Variants in AGAP1 observed in about 807,000 individuals in gnomAD.
AGAP1 encodes the protein arf-GAP with GTPase, ANK repeat and PH domain-containing protein 1.
Under a neutral mutation model 105.3 loss-of-function variants are expected in AGAP1, and 29 were observed. The observed-to-expected ratio is 0.28, with a 90% confidence interval of 0.21 to 0.38. The LOEUF is 0.38. AGAP1 is among the 10% of genes least tolerant of loss of function. The pLI is 1.00. For missense variants in AGAP1, 998 were observed against 1,165.1 expected (o/e 0.86, Z 2.09); for synonymous variants, 509 against 485.9 (o/e 1.05, Z -0.63).
chr2:235,856,513 T>C (rs1466025271), intron 9 of AGAP1, among the ~76,000 whole-genome samples: 1 of 152,218 alleles, frequency 6.6e-6, no homozygotes, highest in Non-Finnish European at 1.5e-5. Context: ...GTTCCTGTCC[T>C]TTCCACATCT....
At chr2:235,702,934 G>GTTGTTTTTTTTTTTTTTTTT (rs1950325980) in intron 1 of AGAP1, among the ~76,000 whole-genome samples, 1 of 88,946 alleles carries the variant, frequency 1.1e-5, no homozygotes, top group Non-Finnish European at 2.2e-5. Flanking sequence ...AGTTTTCTTG[G>GTTGTTTTTTTTTTTTTTTTT]TTTTTTTTTT....
intron 9 of AGAP1, among the ~76,000 whole-genome samples, chr2:235,809,339 T>C (rs1472393975): frequency 6.6e-6 from 1 of 152,196 alleles, no homozygotes; most frequent in Admixed American, 6.5e-5. Flanking sequence ...AGGAATCTCG[T>C]TGAAATCTAA....
chr2:235,495,109 T>C (rs1386095242), intron 1 of AGAP1, among the ~76,000 whole-genome samples: 9 of 152,134 alleles, frequency 5.9e-5, no homozygotes, highest in Admixed American at 5.9e-4. Flanking sequence ...TGCGGGAAAG[T>C]GGCTCGGTGC....
intron 1 of AGAP1, among the ~76,000 whole-genome samples, chr2:235,580,357 G>T (rs577881110): frequency 6.6e-6 from 1 of 152,026 alleles, no homozygotes; most frequent in East Asian, 1.9e-4. Flanking sequence ...GAATGAAGAC[G>T]TGCCGGCCGC....
At position 235,930,735 on chromosome 2, in the gene AGAP1, G is replaced by T. The variant is rs1264942445; in HGVS notation, c.1325-30G>T. 1 of 1,607,958 alleles carries T rather than the reference G, an allele frequency of 6.2e-7. No homozygotes were observed. The highest frequency in any genetic ancestry group is 1.1e-5 in the South Asian group (1 of 90,126). On this transcript the variant is annotated intron_variant, in intron 11 of 17. Transcript: ENST00000304032. This position sits in a 1 kb window ranked among gnomAD's most constrained non-coding sequence, Gnocchi z 7.9. ...TGGTTTCTGTGGTCTGCAGTCCGCG[G>T]TGGTGTTCACCTGACTTGTTTATTC... is the stretch of plus-strand genomic sequence containing the variant.
chr2:235,523,571 G>A (rs543699370), intron 1 of AGAP1, among the ~76,000 whole-genome samples: 27 of 152,152 alleles, frequency 1.8e-4, no homozygotes, highest in Non-Finnish European at 3.1e-4. Flanking sequence ...CTCCCTCCCA[G>A]CCCTTAGTGG....
intron 16 of AGAP1, among the ~76,000 whole-genome samples, chr2:236,116,409 ACGCAG>A (rs1453825377): frequency 2.0e-4 from 28 of 140,786 alleles, no homozygotes; most frequent in South Asian, 1.4e-3. Flanking sequence ...GAGTGCAGTG[ACGCAG>A]TCTTGGCTCA....
chr2:236,110,326 G>T (rs1325012714), intron 16 of AGAP1, among the ~76,000 whole-genome samples: 1 of 151,522 alleles, frequency 6.6e-6, no homozygotes, highest in South Asian at 2.1e-4. Flanking sequence ...TGAACCCACT[G>T]CACTCCAACC....
At chr2:235,590,906 A>C (rs1945316908) in intron 1 of AGAP1, among the ~76,000 whole-genome samples, 1 of 151,032 alleles carries the variant, frequency 6.6e-6, no homozygotes, top group African/African-American at 2.4e-5. Context: ...TATTTTTAGT[A>C]GAGACGGGGT....
intron 16 of AGAP1, among the ~76,000 whole-genome samples, chr2:236,091,548 A>G (rs773395392): frequency 6.6e-6 from 1 of 152,204 alleles, no homozygotes; most frequent in Non-Finnish European, 1.5e-5. Flanking sequence ...AGGCAGGCAG[A>G]TAGCTTGAGC....
chr2:236,065,042 G>T (rs755683349), intron 16 of AGAP1, among the ~76,000 whole-genome samples: 1 of 152,236 alleles, frequency 6.6e-6, no homozygotes, highest in Non-Finnish European at 1.5e-5. Flanking sequence ...CCAGGCAAAG[G>T]CTCCATGGAG....
At chr2:235,708,025 T>C (rs1950642099) in intron 1 of AGAP1, among the ~76,000 whole-genome samples, 1 of 152,246 alleles carries the variant, frequency 6.6e-6, no homozygotes. Flanking sequence ...GATGCTGGTT[T>C]TGCCCTCCTG....
In AGAP1 at chr2:236,000,242, C is replaced by T. The variant is rs2056057882; in HGVS notation, c.1645+31619C>T. Among the ~76,000 whole-genome samples the T allele has an allele frequency of 6.6e-6, 1 of 152,278 alleles. No individual in the cohort carries two copies. ...ATTCATCAATAGGTTCTTAAAACTT[C>T]GACTTGAAGCGAAAGGACTTATAAT... is the stretch of plus-strand genomic sequence containing the variant. On this transcript the variant is annotated intron_variant, in intron 13 of 17. Coordinates refer to ENST00000304032, the MANE Select transcript of AGAP1 (RefSeq NM_001037131.3). The surrounding 1 kb of genome is among the most constrained non-coding windows in gnomAD (Gnocchi z 4.3).
At chr2:235,636,960 C>T (rs1324552379) in intron 1 of AGAP1, among the ~76,000 whole-genome samples, 1 of 152,120 alleles carries the variant, frequency 6.6e-6, no homozygotes, top group Non-Finnish European at 1.5e-5. Context: ...CGCCAGAAGC[C>T]AGGACAGAGG....
chr2:235,816,437 CAAAAAAA>C (rs79795818), intron 9 of AGAP1, among the ~76,000 whole-genome samples: 3 of 97,930 alleles, frequency 3.1e-5, no homozygotes, highest in South Asian at 7.3e-4. Context: ...GACTCCGTCT[CAAAAAAA>C]AAAAAAAAAA....
rs1163104549 is a variant in AGAP1, at chr2:235,701,100, AAT to A, written c.164-8075_164-8074del. 1.4e-5 allele frequency among the ~76,000 whole-genome samples: 2 copies of A among 146,464 alleles called. No individual in the cohort carries two copies. The highest frequency in any genetic ancestry group is 6.9e-5 in the Admixed American group (1 of 14,444). On this transcript the variant is annotated intron_variant, in intron 1 of 17. Coordinates refer to ENST00000304032, the MANE Select transcript of AGAP1 (RefSeq NM_001037131.3). The surrounding 1 kb of genome is among the most constrained non-coding windows in gnomAD (Gnocchi z 4.1). ...TATATGTATATATTATATACTCTATAATATAGTTATATGTACATATTATATAT... is the reference window on the plus strand; with the variant it reads ...TATATGTATATATTATATACTCTATAATAGTTATATGTACATATTATATAT...
At position 235,609,887 on chromosome 2, in the gene AGAP1, G is replaced by A. The variant is rs1946070948; in HGVS notation, c.164-99292G>A. On this transcript the variant is annotated intron_variant, in intron 1 of 17. Transcript: ENST00000304032. The surrounding 1 kb of genome is among the most constrained non-coding windows in gnomAD (Gnocchi z 5.1). ...GAGGTTGGTAAATGGAGTCTTGCTC[G>A]CCAGGTGCATGAGGTGAAGTCACTG... is the stretch of plus-strand genomic sequence containing the variant. Among the ~76,000 whole-genome samples, 2 of 152,064 alleles carry A rather than the reference G, an allele frequency of 1.3e-5. No individual in the cohort carries two copies. The highest frequency in any genetic ancestry group is 6.6e-5 in the Admixed American group (1 of 15,264).
intron 1 of AGAP1, among the ~76,000 whole-genome samples, chr2:235,568,547 G>A (rs1170121445): frequency 1.3e-5 from 2 of 152,188 alleles, no homozygotes; most frequent in African/African-American, 4.8e-5. Context: ...AGACCCAGAC[G>A]GCAGGAAGGA....
intron 1 of AGAP1, among the ~76,000 whole-genome samples, chr2:235,654,076 T>C (rs1386031604): frequency 6.6e-6 from 1 of 152,142 alleles, no homozygotes; most frequent in Non-Finnish European, 1.5e-5. Flanking sequence ...AAACAATCCA[T>C]GTTAATTTTA....
Sources: allele counts gnomAD v4.1 joint callset (sites outside exome capture counted in the v4.1 genomes callset), GRCh38; gene constraint gnomAD v4.1.1; non-coding constraint Gnocchi (gnomAD v3.1); transcripts MANE v1.5; gene names NCBI Gene and HGNC (gene_info 2026-07-23, HGNC 2026-07-21).